Variants in STAM2 observed in about 807,000 individuals in gnomAD.
STAM2 encodes signal transducing adapter molecule 2.
Under a neutral mutation model 65.6 loss-of-function variants are expected in STAM2, and 51 were observed. That is an observed-to-expected ratio of 0.78 (90% CI 0.62 to 0.98). STAM2 has a LOEUF of 0.98. Ranked by LOEUF, STAM2 falls within the 50% of genes least tolerant of loss-of-function variation. The pLI is 0.00. For synonymous variants in STAM2, 198 were observed against 208.4 expected (o/e 0.95, Z 0.43); for missense variants, 584 against 617.8 (o/e 0.95, Z 0.58).
At chr2:152,156,241 T>G (rs930055617) in intron 1 of STAM2, among the ~76,000 whole-genome samples, 1 of 152,246 alleles carries the variant, frequency 6.6e-6, no homozygotes, top group African/African-American at 2.4e-5. Context: ...AAGCATAGTT[T>G]AGTCTCTACA....
rs200019901 is a variant in STAM2 at position 152,135,491 on chromosome 2, G to A, written c.799+18C>T. The A allele has an allele frequency of 9.7e-5, 150 of 1,541,648 alleles. No individual in the cohort carries two copies. Among genetic ancestry groups the A allele is most frequent in the South Asian group, 1.1e-4 (10 of 87,086 alleles). On this transcript the variant is annotated intron_variant, in intron 8 of 13. Coordinates refer to ENST00000263904, the MANE Select transcript of STAM2 (RefSeq NM_005843.6). ...AAAAAACTTAAATAGATCTAATGTCGTCTAAGATTTAACTTACCTGCCTCA... is the reference window on the plus strand; with the variant it reads ...AAAAAACTTAAATAGATCTAATGTCATCTAAGATTTAACTTACCTGCCTCA...
At chr2:152,173,194 T>A (rs1689928997) in intron 1 of STAM2, among the ~76,000 whole-genome samples, 1 of 144,252 alleles carries the variant, frequency 6.9e-6, no homozygotes, top group Non-Finnish European at 1.5e-5. Flanking sequence ...GAATGAAGAG[T>A]GAACAAAGGA....
rs1373572078 is a variant in STAM2, at chr2:152,117,339, T to G, written c.*3235A>C. The G allele has an allele frequency of 6.6e-6, 1 of 152,272 alleles. No individual in the cohort carries two copies. The highest frequency in any genetic ancestry group is 1.5e-5 in the Non-Finnish European group (1 of 68,042). The allele number at this position is 152,272 out of a possible 1,614,324, so 9.4% of individuals were successfully genotyped here. On this transcript the variant is annotated 3_prime_UTR_variant, in exon 14 of 14. Coordinates refer to ENST00000263904, the MANE Select transcript of STAM2 (RefSeq NM_005843.6). ...CACACCTGGCTAAGTTTTAAAATTT[T>G]TGTAGAGATAGGGTCTTGCCATGTT... is the stretch of plus-strand genomic sequence containing the variant.
rs1688906889 is a variant in STAM2 at position 152,123,896 on chromosome 2, G to C, written c.1219C>G (p.Gln407Glu). 1.9e-6 allele frequency: 3 copies of C among 1,613,954 alleles called. No individual in the cohort carries two copies. The highest frequency in any genetic ancestry group is 2.5e-6 in the Non-Finnish European group (3 of 1,180,018). ...VQSHGGNYMGQSIHQVTVAQS... is the reference protein window; with the variant it reads ...VQSHGGNYMGESIHQVTVAQS... ...GCAACAGTTACTTGGTGAATGCTCT[G>C]ACCCATATAGTTTCCACCATGTGAT... Residue 407 changes from glutamine to glutamate, a missense_variant, in exon 13 of 14, where the codon CAG (glutamine) becomes GAG (glutamate). Gln to Glu is a conservative substitution (Grantham distance 29, BLOSUM62 2). Transcript: ENST00000263904.
intron 1 of STAM2, among the ~76,000 whole-genome samples, chr2:152,163,583 T>C (rs1053205009): frequency 3.3e-5 from 5 of 152,178 alleles, no homozygotes; most frequent in Non-Finnish European, 7.4e-5. Flanking sequence ...CAAGAGAAGA[T>C]AACCATAAGG....
At chr2:152,144,693 C>T in intron 6 of STAM2, 195 bp downstream of exon 6, 1 of 446,230 alleles carries the variant, frequency 2.2e-6, no homozygotes, top group East Asian at 4.2e-5. Flanking sequence ...CGCCCGCCAC[C>T]ACGCCCAGCT....
Position 152,126,334 on chromosome 2 carries a change from A to G in STAM2, c.1071T>C (p.Ala357=). The change falls in exon 12 of 14, where the codon GCT becomes GCC. Residue 357 remains alanine (A), a synonymous_variant. Coordinates refer to ENST00000263904, the MANE Select transcript of STAM2 (RefSeq NM_005843.6). ...LSELNVKVLE[A]LELYNKLVNE... ...TCACCAATTTGTTATATAGTTCCAGAGCTTCCAGGACTTTAACATTCAATT... is the reference window on the plus strand; with the variant it reads ...TCACCAATTTGTTATATAGTTCCAGGGCTTCCAGGACTTTAACATTCAATT... 1 of 1,597,640 alleles carries G rather than the reference A, an allele frequency of 6.3e-7. No individual in the cohort carries two copies. The highest frequency in any genetic ancestry group is 8.5e-7 in the Non-Finnish European group (1 of 1,172,546).
At chr2:152,166,646 G>C (rs10427181) in intron 1 of STAM2, among the ~76,000 whole-genome samples, 92,658 of 151,788 alleles carry the variant, frequency 0.61, 29,853 homozygotes, top group East Asian at 0.87. Flanking sequence ...GGTAACTTAA[G>C]AGAACCTAAT....
At chr2:152,129,297 C>A (rs938715810) in intron 11 of STAM2, among the ~76,000 whole-genome samples, 3 of 152,142 alleles carry the variant, frequency 2.0e-5, no homozygotes, top group African/African-American at 7.2e-5. Flanking sequence ...CAGGCGCACA[C>A]CACCAAGCCC....
intron 1 of STAM2, 43 bp from the exon 2 acceptor site, chr2:152,150,272 A>C: frequency 8.0e-6 from 10 of 1,254,882 alleles, no homozygotes; most frequent in Non-Finnish European, 1.2e-5. Context: ...GACACATCTC[A>C]TATAACACTA....
At chr2:152,149,139 T>G (rs1400077840) in intron 2 of STAM2, among the ~76,000 whole-genome samples, 1 of 152,210 alleles carries the variant, frequency 6.6e-6, no homozygotes, top group African/African-American at 2.4e-5. Flanking sequence ...GTATATTATT[T>G]GAAGACTTTT....
chr2:152,135,387 C>T, intron 8 of STAM2, 122 bp downstream of exon 8: 1 of 693,776 alleles, frequency 1.4e-6, no homozygotes, highest in Non-Finnish European at 2.5e-6. Flanking sequence ...GATTGTCATG[C>T]CTATAAAGAA....
intron 8 of STAM2, among the ~76,000 whole-genome samples, chr2:152,134,681 CTCAGTG>C (rs1293663797): frequency 3.3e-5 from 5 of 152,306 alleles, no homozygotes; most frequent in African/African-American, 1.2e-4. Context: ...ATCCCTCAGC[CTCAGTG>C]TCCTTATCTG....
chr2:152,155,733 A>G (rs953036929), intron 1 of STAM2, among the ~76,000 whole-genome samples: 5 of 152,172 alleles, frequency 3.3e-5, no homozygotes, highest in African/African-American at 1.2e-4. Context: ...GTCATTTAGC[A>G]TACTGTTTGA....
At chr2:152,156,570 A>G (rs1689558854) in intron 1 of STAM2, among the ~76,000 whole-genome samples, 1 of 152,158 alleles carries the variant, frequency 6.6e-6, no homozygotes, top group South Asian at 2.1e-4. Context: ...ATAACATTTC[A>G]TCACCAGGCT....
intron 7 of STAM2, among the ~76,000 whole-genome samples, chr2:152,136,304 G>A (rs1354741570): frequency 1.3e-5 from 2 of 151,500 alleles, no homozygotes; most frequent in East Asian, 3.9e-4. Flanking sequence ...TTAGCCGGGT[G>A]TGGTGGCAGG....
At chr2:152,173,933 C>T (rs1160967756) in intron 1 of STAM2, among the ~76,000 whole-genome samples, 1 of 152,164 alleles carries the variant, frequency 6.6e-6, no homozygotes, top group African/African-American at 2.4e-5. Context: ...TATGTAACTA[C>T]TTGAAGCTCT....
intron 12 of STAM2, among the ~76,000 whole-genome samples, chr2:152,125,258 C>T (rs1054611723): frequency 1.3e-5 from 2 of 152,158 alleles, no homozygotes; most frequent in Non-Finnish European, 2.9e-5. Context: ...TCCTACCCTC[C>T]TAATTTTCAA....
Position 152,120,564 on chromosome 2 carries a change from T to C in STAM2, c.*10A>G, listed in dbSNP as rs539537729. On this transcript the variant is annotated 3_prime_UTR_variant, in exon 14 of 14. Coordinates refer to ENST00000263904, the MANE Select transcript of STAM2 (RefSeq NM_005843.6). Reference sequence around the variant, plus strand: ...TTATGAAGGCTTTCAAGAAAATGCTTGATTTGTTTCTAAAGGAGAGGCTGC... The same window carrying C: ...TTATGAAGGCTTTCAAGAAAATGCTCGATTTGTTTCTAAAGGAGAGGCTGC... The C allele has an allele frequency of 3.5e-5, 57 of 1,612,436 alleles. No individual in the cohort carries two copies. Among genetic ancestry groups the C allele is most frequent in the Non-Finnish European group, 4.8e-5 (57 of 1,178,706 alleles).
Sources: allele counts gnomAD v4.1 joint callset (sites outside exome capture counted in the v4.1 genomes callset), GRCh38; gene constraint gnomAD v4.1.1; transcripts MANE v1.5; gene names NCBI Gene and HGNC (gene_info 2026-07-23, HGNC 2026-07-21).